RICTOR: variants seen among roughly 807,000 people sequenced by gnomAD.
RICTOR encodes RPTOR independent companion of MTOR complex 2.
In RICTOR, 49 loss-of-function variants were observed where a neutral mutation model predicts 214.9. That is an observed-to-expected ratio of 0.23 (90% CI 0.18 to 0.29). The LOEUF is 0.29. Ranked by LOEUF, RICTOR falls within the 10% of genes least tolerant of loss-of-function variation. The probability of loss-of-function intolerance (pLI) is 1.00; values close to 1 mark genes in which losing one functional copy is unlikely to be tolerated. For synonymous variants in RICTOR, 717 were observed against 711.3 expected (o/e 1.01, Z -0.13); for missense variants, 1,625 against 2,047.0 (o/e 0.79, Z 3.98).
chr5:38,972,269 A>C (rs866178923), intron 10 of RICTOR, among the ~76,000 whole-genome samples: 1 of 152,212 alleles, frequency 6.6e-6, no homozygotes, highest in South Asian at 2.1e-4. Context: ...CGGGAGAAAA[A>C]TCAGACAATG....
intron 3 of RICTOR, among the ~76,000 whole-genome samples, chr5:39,019,958 G>A (rs1755269078): frequency 6.6e-6 from 1 of 152,154 alleles, no homozygotes; most frequent in African/African-American, 2.4e-5. Context: ...TTTGGAAGAA[G>A]TTTATTCCAA....
In RICTOR at chr5:38,940,424, G is replaced by A; in HGVS notation, c.*1880C>T. ...GAGGTTTTAACCACTATTTGGTCTA[G>A]TAACTCTGACATTTGGTTCTCTGGA... On this transcript the variant is annotated 3_prime_UTR_variant, in exon 38 of 38. Transcript: ENST00000357387. 1 of 232,588 alleles carries A rather than the reference G, an allele frequency of 4.3e-6. No homozygotes were observed. The allele number at this position is 232,588 out of a possible 1,614,324, so 14.4% of individuals were successfully genotyped here.
At chr5:39,007,186 G>A (rs931969124) in intron 3 of RICTOR, among the ~76,000 whole-genome samples, 1 of 152,162 alleles carries the variant, frequency 6.6e-6, no homozygotes, top group African/African-American at 2.4e-5. Flanking sequence ...TATAACATAT[G>A]TCACAGACTG....
intron 25 of RICTOR, among the ~76,000 whole-genome samples, chr5:38,956,205 T>A (rs1213851430): frequency 1.3e-5 from 2 of 152,074 alleles, no homozygotes; most frequent in Non-Finnish European, 2.9e-5. Flanking sequence ...CAATTCTTGT[T>A]TCTAAACTTG....
chr5:39,003,508 A>G, intron 4 of RICTOR, 50 bp downstream of exon 4: 1 of 1,193,872 alleles, frequency 8.4e-7, no homozygotes, highest in Non-Finnish European at 1.2e-6. Context: ...ACTAAAATTA[A>G]AATTACTAAA....
intron 31 of RICTOR, chr5:38,949,489 G>A: frequency 1.4e-6 from 2 of 1,423,530 alleles, no homozygotes; most frequent in Non-Finnish European, 1.9e-6. Flanking sequence ...TGCAAAGCAT[G>A]TATGTTTATT....
At chr5:39,052,694 T>C (rs751843131) in intron 2 of RICTOR, among the ~76,000 whole-genome samples, 6 of 152,230 alleles carry the variant, frequency 3.9e-5, no homozygotes, top group Admixed American at 3.3e-4. Context: ...TTAACTCAAG[T>C]AGTCCTCTTA....
intron 2 of RICTOR, among the ~76,000 whole-genome samples, chr5:39,043,818 G>A (rs1757320790): frequency 6.6e-6 from 1 of 152,006 alleles, no homozygotes; most frequent in Admixed American, 6.6e-5. Context: ...GAAGAGAAGC[G>A]ACCTGAGCTA....
chr5:39,003,061 C>T (rs922835380), intron 4 of RICTOR, among the ~76,000 whole-genome samples: 2 of 152,116 alleles, frequency 1.3e-5, no homozygotes, highest in African/African-American at 4.8e-5. Context: ...TCCCAAAAAT[C>T]ATTGGTTTAA....
intron 6 of RICTOR, among the ~76,000 whole-genome samples, chr5:38,991,289 A>AT (rs1227298732): frequency 2.6e-5 from 4 of 152,046 alleles, no homozygotes; most frequent in African/African-American, 9.7e-5. Context: ...AATGTGTTAG[A>AT]TTTTTTTCTA....
chr5:38,960,110 C>A, intron 20 of RICTOR, 132 bp from the exon 21 acceptor site: 1 of 700,890 alleles, frequency 1.4e-6, no homozygotes, highest in Non-Finnish European at 2.5e-6. Flanking sequence ...TCAGTGAGTA[C>A]CTGTTGTTTT....
At chr5:38,997,877 G>T (rs1753294054) in intron 5 of RICTOR, among the ~76,000 whole-genome samples, 1 of 152,164 alleles carries the variant, frequency 6.6e-6, no homozygotes, top group Non-Finnish European at 1.5e-5. Context: ...AAGTAGCTGG[G>T]ACTTGAGGGG....
chr5:39,071,024 C>T (rs778271085), intron 2 of RICTOR, among the ~76,000 whole-genome samples: 6 of 152,172 alleles, frequency 3.9e-5, no homozygotes. Flanking sequence ...AATCCATCAA[C>T]AATTTTTAAC....
Position 39,008,133 on chromosome 5 carries a change from T to C in RICTOR, c.196-4511A>G, listed in dbSNP as rs370645532. ...TCATAAGAAAAATATGCAGAATCTATTGCTAAATGGGGAAAAGATTCTGTA... is the reference window on the plus strand; with the variant it reads ...TCATAAGAAAAATATGCAGAATCTACTGCTAAATGGGGAAAAGATTCTGTA... On this transcript the variant is annotated intron_variant, in intron 3 of 37. Coordinates refer to ENST00000357387, the MANE Select transcript of RICTOR (RefSeq NM_152756.5). Among the ~76,000 whole-genome samples the C allele has an allele frequency of 6.6e-5, 10 of 151,956 alleles. No homozygotes were observed. In the East Asian group the frequency reaches 1.7e-3, roughly 26 times the overall value.
intron 2 of RICTOR, among the ~76,000 whole-genome samples, chr5:39,046,135 A>G (rs1757481392): frequency 6.6e-6 from 1 of 151,538 alleles, no homozygotes; most frequent in Admixed American, 6.6e-5. Context: ...GGATTTCTTG[A>G]GGCCAGGAGT....
chr5:39,066,265 T>C (rs575933639), intron 2 of RICTOR, among the ~76,000 whole-genome samples: 210 of 152,342 alleles, frequency 1.4e-3, no homozygotes, highest in Non-Finnish European at 2.2e-3. Flanking sequence ...GAACTGTACC[T>C]GGGCCCCTTT....
At chr5:39,065,073 T>C (rs1015816400) in intron 2 of RICTOR, among the ~76,000 whole-genome samples, 1 of 152,176 alleles carries the variant, frequency 6.6e-6, no homozygotes, top group African/African-American at 2.4e-5. Context: ...TCTTGCATTG[T>C]TACAAAGAAA....
intron 3 of RICTOR, 104 bp from the exon 4 acceptor site, chr5:39,003,726 A>T: frequency 1.6e-6 from 1 of 621,576 alleles, no homozygotes; most frequent in Non-Finnish European, 2.7e-6. Flanking sequence ...TTATGGAATA[A>T]TATTTTGAAA....
intron 8 of RICTOR, 22 bp downstream of exon 8, chr5:38,981,845 A>C (rs190664612): frequency 2.3e-4 from 348 of 1,530,020 alleles, no homozygotes; most frequent in Non-Finnish European, 2.8e-4. Context: ...TTAAAACTAG[A>C]AAAGAATATT....
Sources: allele counts gnomAD v4.1 joint callset (sites outside exome capture counted in the v4.1 genomes callset), GRCh38; gene constraint gnomAD v4.1.1; transcripts MANE v1.5; gene names NCBI Gene and HGNC (gene_info 2026-07-23, HGNC 2026-07-21).